Variants in GKN2 observed in about 807,000 individuals in gnomAD.
The protein encoded by GKN2 is gastrokine 2, also known as gastrokine-2.
Under a neutral mutation model 22.7 loss-of-function variants are expected in GKN2, and 17 were observed. That is an observed-to-expected ratio of 0.75 (90% confidence interval 0.51 to 1.13). The LOEUF is 1.13. GKN2 is among the 50% of genes most tolerant of loss of function. The pLI is 0.00. For missense variants in GKN2, 248 were observed against 221.4 expected, an observed-to-expected ratio of 1.12 and a Z score of -0.76; for synonymous variants, 82 against 79.6, an observed-to-expected ratio of 1.03 and a Z score of -0.16.
rs1352921471 is a variant in GKN2 at position 68,950,136 on chromosome 2, T to C, written c.194A>G (p.Asp65Gly). Reference sequence around the variant, plus strand: ...TCATTTGCTGCTTACATGTTTATAGTCAAAAATTGTGGTAGAAGAGCATGA... The same window carrying C: ...TCATTTGCTGCTTACATGTTTATAGCCAAAAATTGTGGTAGAAGAGCATGA... ...AGSCSSTTIF[D>G]YKHGYIASRV... is the part of the protein sequence containing the mutation. Residue 65 changes from aspartate (D) to glycine (G), a missense_variant, in exon 3 of 6, where the codon GAC becomes GGC. By Grantham distance (94) the Asp-to-Gly change is moderately conservative. Transcript: ENST00000328895. 7 of 1,612,350 alleles carry C rather than the reference T, an allele frequency of 4.3e-6. No homozygotes were observed. Among genetic ancestry groups the C allele is most frequent in the Non-Finnish European group, 5.9e-6 (7 of 1,179,540 alleles).
chr2:68,947,467 T>C (rs1669786625), intron 3 of GKN2, among the ~76,000 whole-genome samples: 1 of 152,220 alleles, frequency 6.6e-6, no homozygotes, highest in African/African-American at 2.4e-5. Flanking sequence ...CCCTTTGAAA[T>C]TGTGCAAACC....
At chr2:68,952,781 A>G (rs1669877076) in intron 1 of GKN2, 69 bp downstream of exon 1, 5 of 1,529,240 alleles carry the variant, frequency 3.3e-6, no homozygotes, top group Non-Finnish European at 3.6e-6. Flanking sequence ...AATCCATGGC[A>G]TATTAGATAT....
At chr2:68,949,798 G>A (rs184876992) in intron 3 of GKN2, among the ~76,000 whole-genome samples, 96 of 152,280 alleles carry the variant, frequency 6.3e-4, no homozygotes, top group African/African-American at 2.2e-3. Context: ...GAGTTTGAGT[G>A]TCTGCATGCC....
intron 1 of GKN2, among the ~76,000 whole-genome samples, chr2:68,952,127 G>A (rs1008420801): frequency 3.9e-5 from 6 of 152,188 alleles, no homozygotes; most frequent in Non-Finnish European, 8.8e-5. Flanking sequence ...CTGCAATGTG[G>A]AACTACGGAG....
intron 1 of GKN2, among the ~76,000 whole-genome samples, chr2:68,952,521 G>A (rs1430772627): frequency 1.3e-5 from 2 of 152,098 alleles, no homozygotes; most frequent in Admixed American, 6.6e-5. Flanking sequence ...CTCTTAGATA[G>A]CAAATGTAGT....
At chr2:68,946,679 G>T (rs1478604484) in intron 4 of GKN2, among the ~76,000 whole-genome samples, 1 of 152,150 alleles carries the variant, frequency 6.6e-6, no homozygotes, top group Non-Finnish European at 1.5e-5. Flanking sequence ...CCCAAAGAAA[G>T]TAAGTCCCAT....
At chr2:68,946,888 C>T (rs1275469660) in intron 4 of GKN2, among the ~76,000 whole-genome samples, 1 of 152,148 alleles carries the variant, frequency 6.6e-6, no homozygotes, top group African/African-American at 2.4e-5. Context: ...CTGATCAGTC[C>T]TTGCTATAAT....
At chr2:68,950,794 A>G (rs370921514) in intron 1 of GKN2, 39 bp from the exon 2 acceptor site, 2 of 1,603,134 alleles carry the variant, frequency 1.2e-6, no homozygotes, top group Non-Finnish European at 1.7e-6. Flanking sequence ...TTTATAGGGT[A>G]GTCATTGAGT....
At chr2:68,951,856 C>T (rs1400052963) in intron 1 of GKN2, among the ~76,000 whole-genome samples, 1 of 152,184 alleles carries the variant, frequency 6.6e-6, no homozygotes. Flanking sequence ...GTGTCCTCTG[C>T]CCCAAAATGA....
chr2:68,950,711 A>C lies in GKN2; in HGVS notation c.57T>G (p.His19Gln). 2 of 1,614,098 alleles carry C rather than the reference A, an allele frequency of 1.2e-6. No individual in the cohort carries two copies. The highest frequency in any genetic ancestry group is 1.7e-5 in the Admixed American group (1 of 60,022). Residue 19 changes from histidine (H) to glutamine (Q), a missense_variant, in exon 2 of 6, where the codon CAT becomes CAG. His to Gln is a conservative substitution (Grantham distance 24). Transcript: ENST00000328895. Reference sequence around the variant, plus strand: ...TAAGGAACCAACTCACCTCGTATCCATGAGATTGTATCCCAAAGATGGTCA... The same window carrying C: ...TAAGGAACCAACTCACCTCGTATCCCTGAGATTGTATCCCAAAGATGGTCA... The part of the protein sequence containing the change: ...VVLTIFGIQS[H>Q]GYEVFNIISP...
In GKN2 at chr2:68,946,499, T is replaced by A. The variant is rs1303363174; in HGVS notation, c.316-39A>T. ...ACAGAAAAGAACAACATAAAATAAA[T>A]TGACAAAAATTGGTGTACCTTATTC... On this transcript the variant is annotated intron_variant, in intron 4 of 5. Coordinates refer to ENST00000328895, the MANE Select transcript of GKN2 (RefSeq NM_182536.3). 4.0e-6 allele frequency: 6 copies of A among 1,498,088 alleles called. No individual in the cohort carries two copies. In the Admixed American group the frequency reaches 9.5e-5, roughly 24 times the overall value. 92.8% of individuals were successfully genotyped at this position (1,498,088 alleles called of 1,614,324 possible).
chr2:68,949,737 A>G (rs1669826995), intron 3 of GKN2, among the ~76,000 whole-genome samples: 1 of 152,128 alleles, frequency 6.6e-6, no homozygotes, highest in Admixed American at 6.6e-5. Context: ...CTTTTTCTGC[A>G]TGATGTTCTG....
intron 3 of GKN2, among the ~76,000 whole-genome samples, chr2:68,947,504 A>T (rs895449496): frequency 1.3e-5 from 2 of 152,136 alleles, no homozygotes; most frequent in Non-Finnish European, 2.9e-5. Flanking sequence ...TTTTCATGTC[A>T]TGGAACCAGG....
At chr2:68,945,474 A>G in intron 5 of GKN2, 24 bp from the exon 6 acceptor site, 2 of 1,501,366 alleles carry the variant, frequency 1.3e-6, no homozygotes, top group Non-Finnish European at 1.8e-6. Flanking sequence ...AATTTTTCAG[A>G]GAAAGAGCAT....
rs762201607 is a variant in GKN2 at position 68,950,685 on chromosome 2, A to T, written c.66+17T>A. The T allele has an allele frequency of 6.2e-7, 1 of 1,612,186 alleles. No individual in the cohort carries two copies. Among genetic ancestry groups the T allele is most frequent in the South Asian group, 1.1e-5 (1 of 91,042 alleles). On this transcript the variant is annotated intron_variant, in intron 2 of 5. Transcript: ENST00000328895. ...CCAACATCTCTAAGAGATAAAGTCC[A>T]TAAGGAACCAACTCACCTCGTATCC...
chr2:68,950,664 C>A (rs369588925), intron 2 of GKN2, 38 bp downstream of exon 2: 79 of 1,583,264 alleles, frequency 5.0e-5, no homozygotes, highest in Non-Finnish European at 6.4e-5. Flanking sequence ...CCTCTCCCAA[C>A]ATCTCTAAGA....
At chr2:68,952,714 CATTA>C in intron 1 of GKN2, 132 bp downstream of exon 1, 1 of 719,352 alleles carries the variant, frequency 1.4e-6, no homozygotes, top group Non-Finnish European at 2.1e-6. Flanking sequence ...CCAAAGATGT[CATTA>C]ATTCAATCAC....
In GKN2 at chr2:68,946,413, G is replaced by C. The variant is rs1451345316; in HGVS notation, c.363C>G (p.Asn121Lys). 2 of 1,613,252 alleles carry C rather than the reference G, an allele frequency of 1.2e-6. No homozygotes were observed. Among genetic ancestry groups the C allele is most frequent in the African/African-American group, 2.7e-5 (2 of 74,890 alleles). ...CGTCTTTGATCAGAGACTCCAGAGGGTTGTACTTGACCCAGGTGTATTTGC... is the reference window on the plus strand; with the variant it reads ...CGTCTTTGATCAGAGACTCCAGAGGCTTGTACTTGACCCAGGTGTATTTGC... ...FSSKYTWVKY[N>K]PLESLIKDVD... Residue 121 changes from asparagine to lysine, a missense_variant, in exon 5 of 6, where the codon AAC becomes AAG. By Grantham distance (94) the Asn-to-Lys change is moderately conservative (BLOSUM62 0). Transcript: ENST00000328895.
chr2:68,946,522 T>C (rs1407124774), intron 4 of GKN2, 62 bp from the exon 5 acceptor site: 2 of 1,360,424 alleles, frequency 1.5e-6, no homozygotes, highest in Non-Finnish European at 2.0e-6. Context: ...GTGTACCTTA[T>C]TCTAAATTGT....
Sources: gnomAD v4.1 joint callset for allele counts (sites outside exome capture counted in the v4.1 genomes callset) on GRCh38, gnomAD v4.1.1 for gene constraint, MANE v1.5 for transcripts, NCBI Gene and HGNC (gene_info 2026-07-23, HGNC 2026-07-21) for gene names.